The following GRIP1 variants were observed in gnomAD, a reference collection of about 807,000 sequenced individuals.
The protein encoded by GRIP1 is glutamate receptor interacting protein 1, also known as glutamate receptor-interacting protein 1.
GRIP1 carries 45 observed loss-of-function variants against 129.9 expected under a neutral mutation model. That is an observed-to-expected ratio of 0.35 (90% CI 0.27 to 0.44). The LOEUF (loss-of-function observed/expected upper bound fraction) is 0.44, where lower values mean the gene tolerates loss of function less well. Among genes scored for constraint, GRIP1 ranks in the 20% least tolerant of loss-of-function variants. The probability of loss-of-function intolerance (pLI) is 1.00; values close to 1 mark genes in which losing one functional copy is unlikely to be tolerated. For synonymous variants in GRIP1, 530 were observed against 520.8 expected (o/e 1.02, Z -0.24); for missense variants, 1,196 against 1,396.8 (o/e 0.86, Z 2.29).
At chr12:66,377,593 C>T (rs1213617514) in intron 20 of GRIP1, among the ~76,000 whole-genome samples, 1 of 150,258 alleles carries the variant, frequency 6.7e-6, no homozygotes, top group Non-Finnish European at 1.5e-5. Context: ...CCCGCCTCGG[C>T]CTCCCAAAGT....
intron 1 of GRIP1, among the ~76,000 whole-genome samples, chr12:66,968,271 T>C (rs935087027): frequency 1.3e-5 from 2 of 152,172 alleles, no homozygotes; most frequent in African/African-American, 4.8e-5. Context: ...ACTCCAGCTT[T>C]CTTTTGATTG....
At chr12:66,355,648 A>G (rs991847451) in intron 23 of GRIP1, among the ~76,000 whole-genome samples, 5 of 152,010 alleles carry the variant, frequency 3.3e-5, no homozygotes, top group Admixed American at 2.6e-4. Context: ...GAGCACCCCT[A>G]CCTTCCAAAG....
At chr12:66,729,387 C>T (rs891143906) in intron 1 of GRIP1, among the ~76,000 whole-genome samples, 3 of 152,030 alleles carry the variant, frequency 2.0e-5, no homozygotes, top group Non-Finnish European at 4.4e-5. Context: ...AAATAGTGAG[C>T]ATAATAAATA....
At chr12:66,636,731 G>A (rs1040444853) in intron 1 of GRIP1, among the ~76,000 whole-genome samples, 3 of 143,948 alleles carry the variant, frequency 2.1e-5, no homozygotes, top group Non-Finnish European at 4.7e-5. Flanking sequence ...GTGTGTGTGT[G>A]TGTGTGTGTG....
chr12:67,059,779 A>G (rs968302345), intron 1 of GRIP1, among the ~76,000 whole-genome samples: 3 of 152,234 alleles, frequency 2.0e-5, no homozygotes, highest in Non-Finnish European at 1.5e-5. Context: ...CCCCAGCTAT[A>G]TAAGTATACT....
At chr12:66,728,454 C>A (rs992013416) in intron 1 of GRIP1, among the ~76,000 whole-genome samples, 2 of 152,126 alleles carry the variant, frequency 1.3e-5, no homozygotes, top group Admixed American at 1.3e-4. Flanking sequence ...TGACATCCAG[C>A]CATCACACCC....
chr12:66,820,325 T>C (rs1029803204), intron 1 of GRIP1, among the ~76,000 whole-genome samples: 3 of 152,186 alleles, frequency 2.0e-5, no homozygotes, highest in Non-Finnish European at 4.4e-5. Context: ...CCTATTAAAA[T>C]GTCTAGTGTC....
chr12:66,361,632 CTTG>C (rs2137165835), intron 23 of GRIP1, among the ~76,000 whole-genome samples: 1 of 152,322 alleles, frequency 6.6e-6, no homozygotes, highest in Admixed American at 6.5e-5. Context: ...GTCTTTTGCA[CTTG>C]CCCCAGCCAC....
chr12:66,776,966 A>T (rs1170155733), intron 1 of GRIP1, among the ~76,000 whole-genome samples: 3 of 152,238 alleles, frequency 2.0e-5, no homozygotes, highest in Non-Finnish European at 4.4e-5. Context: ...CACATGTGCA[A>T]AGATATGTTG....
chr12:66,750,900 G>A (rs1191702866), intron 1 of GRIP1, among the ~76,000 whole-genome samples: 1 of 152,164 alleles, frequency 6.6e-6, no homozygotes, highest in African/African-American at 2.4e-5. Flanking sequence ...CATTAAAACA[G>A]CATAGGCAAT....
chr12:66,819,755 A>G (rs189337888), intron 1 of GRIP1, among the ~76,000 whole-genome samples: 1 of 152,332 alleles, frequency 6.6e-6, no homozygotes, highest in African/African-American at 2.4e-5. Context: ...GTGAAAGGCT[A>G]ACAAACTGAA....
At chr12:66,403,407 T>G (rs1003750818) in intron 16 of GRIP1, among the ~76,000 whole-genome samples, 1 of 152,204 alleles carries the variant, frequency 6.6e-6, no homozygotes, top group African/African-American at 2.4e-5. Flanking sequence ...ATAATGTTTT[T>G]TTTTCCTCCC....
At chr12:66,930,909 T>A (rs1403734555) in intron 1 of GRIP1, among the ~76,000 whole-genome samples, 1 of 152,150 alleles carries the variant, frequency 6.6e-6, no homozygotes, top group Non-Finnish European at 1.5e-5. Context: ...AAGATACATG[T>A]GCTGTATCTA....
rs1195176415 is a variant in GRIP1 at position 66,581,460 on chromosome 12, C to A, written c.136+15387G>T. Among the ~76,000 whole-genome samples, 5 of 148,282 alleles carry A rather than the reference C, an allele frequency of 3.4e-5. No individual in the cohort carries two copies. In the East Asian group the frequency reaches 5.9e-4, roughly 17 times the overall value. ...AAAACCCTTCAAAAAATTAATGAATCCAGGAGCTGGTTTTTTGAAAGGATC... is the reference window on the plus strand; with the variant it reads ...AAAACCCTTCAAAAAATTAATGAATACAGGAGCTGGTTTTTTGAAAGGATC... On this transcript the variant is annotated intron_variant, in intron 2 of 24. Transcript: ENST00000359742.
At chr12:66,729,676 C>T (rs762301325) in intron 1 of GRIP1, among the ~76,000 whole-genome samples, 6 of 152,134 alleles carry the variant, frequency 3.9e-5, no homozygotes, top group Non-Finnish European at 7.4e-5. Flanking sequence ...TGGGTTCATG[C>T]CATTCTCCTG....
At chr12:66,731,061 C>T (rs990002845) in intron 1 of GRIP1, among the ~76,000 whole-genome samples, 3 of 128,144 alleles carry the variant, frequency 2.3e-5, no homozygotes, top group Non-Finnish European at 5.5e-5. Flanking sequence ...TGGAGTCATA[C>T]AGCCCATGAA....
At chr12:66,690,672 C>T (rs540745465) in intron 1 of GRIP1, among the ~76,000 whole-genome samples, 27 of 150,022 alleles carry the variant, frequency 1.8e-4, no homozygotes, top group African/African-American at 6.6e-4. Flanking sequence ...TTATGACCAG[C>T]CTAAGCAACA....
intron 1 of GRIP1, chr12:66,803,902 T>A (rs191503007): frequency 4.5e-4 from 139 of 309,220 alleles, no homozygotes; most frequent in African/African-American, 2.8e-3. Context: ...TTGCAACAAA[T>A]CAAGCAAAAC....
At chr12:66,462,721 G>C (rs1015604487) in intron 9 of GRIP1, among the ~76,000 whole-genome samples, 2 of 144,844 alleles carry the variant, frequency 1.4e-5, no homozygotes, top group Non-Finnish European at 3.0e-5. Flanking sequence ...AGAATGGCTT[G>C]AACCCAGGAG....
Sources: gnomAD v4.1 joint callset for allele counts (sites outside exome capture counted in the v4.1 genomes callset) on GRCh38, gnomAD v4.1.1 for gene constraint, MANE v1.5 for transcripts, NCBI Gene and HGNC (gene_info 2026-07-23, HGNC 2026-07-21) for gene names.